HHIP: variants seen among roughly 807,000 people sequenced by gnomAD.
The protein encoded by HHIP is hedgehog-interacting protein.
Under a neutral mutation model 74.0 loss-of-function variants are expected in HHIP, and 12 were observed. That is an observed-to-expected ratio of 0.16 (90% CI 0.10 to 0.26). HHIP has a LOEUF of 0.26. HHIP is among the 10% of genes least tolerant of loss of function. The pLI, the probability that HHIP is intolerant of heterozygous loss-of-function variation, is 1.00. For missense variants in HHIP, 788 were observed against 845.0 expected (o/e 0.93, Z 0.84); for synonymous variants, 309 against 311.6 (o/e 0.99, Z 0.09).
rs149847527 is a variant in HHIP at position 144,717,115 on chromosome 4, G to C, written c.1678+1685G>C. Among the ~76,000 whole-genome samples the C allele has an allele frequency of 2.8e-3, 427 of 152,102 alleles. 3 individuals are homozygous for C. The highest frequency in any genetic ancestry group is 9.4e-3 in the African/African-American group (390 of 41,520). On this transcript the variant is annotated intron_variant, in intron 10 of 12. Transcript: ENST00000296575. ...CTGACTCTCCAAAAGCTACAACCCT[G>C]TATATACCTCATAATTAAAATAAAT...
intron 4 of HHIP, among the ~76,000 whole-genome samples, chr4:144,671,991 T>A (rs1182722567): frequency 6.6e-6 from 1 of 151,952 alleles, no homozygotes; most frequent in Non-Finnish European, 1.5e-5. Context: ...CACAAATAAA[T>A]AAATAAATAA....
intron 4 of HHIP, among the ~76,000 whole-genome samples, chr4:144,703,842 G>T (rs1476742509): frequency 1.3e-5 from 2 of 152,130 alleles, no homozygotes; most frequent in Non-Finnish European, 2.9e-5. Context: ...GCCTCTAACT[G>T]ACCCTGGTCT....
At chr4:144,678,200 CAG>C (rs1424483419) in intron 4 of HHIP, among the ~76,000 whole-genome samples, 6 of 152,068 alleles carry the variant, frequency 3.9e-5, no homozygotes, top group African/African-American at 1.4e-4. Context: ...ATAAGAATAA[CAG>C]AATTATATCA....
rs36088965 is a variant in HHIP at position 144,736,136 on chromosome 4, C to CTT, written c.1909+1263_1909+1264dup. The stretch of plus-strand genomic sequence containing the variant: ...CTAACAATATCTACTTTTTCTGCAT[C>CTT]TTTTTTTTTTTTTTTTTGAGGTGGA... On this transcript the variant is annotated intron_variant, in intron 12 of 12. Coordinates refer to ENST00000296575, the MANE Select transcript of HHIP (RefSeq NM_022475.3). Among the ~76,000 whole-genome samples, 656 of 128,240 alleles carry CTT rather than the reference C, an allele frequency of 5.1e-3. 39 individuals are homozygous for CTT. Among genetic ancestry groups the CTT allele is most frequent in the Middle Eastern group, 0.023 (5 of 216 alleles). The allele number at this position is 128,240 out of a possible 152,430, so 84.1% of individuals were successfully genotyped here.
In HHIP at chr4:144,646,926, G is replaced by A. The variant is rs1291218410; in HGVS notation, c.251G>A (p.Ser84Asn). The A allele has an allele frequency of 1.2e-6, 2 of 1,612,812 alleles. No individual in the cohort carries two copies. The highest frequency in any genetic ancestry group is 2.2e-5 in the East Asian group (1 of 44,872). The change falls in exon 1 of 13, where the codon AGC becomes AAC. Residue 84 changes from serine to asparagine, a missense_variant. By Grantham distance (46) the Ser-to-Asn change is conservative (BLOSUM62 1). Coordinates refer to ENST00000296575, the MANE Select transcript of HHIP (RefSeq NM_022475.3). ...PRLSCCLRSDSPGLGRLENKI... is the reference protein window; with the variant it reads ...PRLSCCLRSDNPGLGRLENKI... ...CTGTCCTGCTGCCTGCGGAGTGACA[G>A]CCCGGGGCTAGGGCGCCTGGAGAAT...
chr4:144,665,875 T>C (rs1728846877), intron 4 of HHIP, among the ~76,000 whole-genome samples: 1 of 152,100 alleles, frequency 6.6e-6, no homozygotes, highest in Non-Finnish European at 1.5e-5. Flanking sequence ...ACAGCAGAGG[T>C]GAGGAAAGTT....
chr4:144,705,092 T>C (rs1730096314), intron 4 of HHIP, among the ~76,000 whole-genome samples: 2 of 152,348 alleles, frequency 1.3e-5, no homozygotes, highest in South Asian at 4.1e-4. Flanking sequence ...GGTCGTTCTG[T>C]GTATTTGCAG....
intron 11 of HHIP, among the ~76,000 whole-genome samples, chr4:144,723,409 T>C (rs891150422): frequency 3.3e-5 from 5 of 152,138 alleles, no homozygotes; most frequent in African/African-American, 9.7e-5. Flanking sequence ...TACTTCTTAT[T>C]AGACTGGATG....
intron 1 of HHIP, chr4:144,648,134 T>C (rs1728319813): frequency 6.6e-6 from 1 of 152,228 alleles, no homozygotes. Context: ...AAAGCCATAT[T>C]GCATCATTTA....
In HHIP at chr4:144,667,617, C is replaced by T. The variant is rs865913189; in HGVS notation, c.831+7779C>T. On this transcript the variant is annotated intron_variant, in intron 4 of 12. Transcript: ENST00000296575. ...ATTGCTGCCCACCTCACTGCAAAGT[C>T]CCCAGCTCTGGAGTTTCTCAAAGCA... is the stretch of plus-strand genomic sequence containing the variant. 4.6e-5 allele frequency among the ~76,000 whole-genome samples: 7 copies of T among 152,170 alleles called. No individual in the cohort carries two copies. In the South Asian group the frequency reaches 8.3e-4, roughly 18 times the overall value.
rs143659747 is a variant in HHIP at position 144,724,338 on chromosome 4, A to T, written c.1760+5382A>T. On this transcript the variant is annotated intron_variant, in intron 11 of 12. Transcript: ENST00000296575. ...TGTTATTTTAAAGGGTTTATGTCTTATTTTTAAAAACCATCATATGCTTTT... is the reference window on the plus strand; with the variant it reads ...TGTTATTTTAAAGGGTTTATGTCTTTTTTTTAAAAACCATCATATGCTTTT... 1.7e-3 allele frequency among the ~76,000 whole-genome samples: 257 copies of T among 152,246 alleles called. 2 individuals carry two copies. The highest frequency in any genetic ancestry group is 5.8e-3 in the African/African-American group (242 of 41,570).
chr4:144,733,848 A>C (rs1360393350), intron 11 of HHIP, among the ~76,000 whole-genome samples: 1 of 152,172 alleles, frequency 6.6e-6, no homozygotes, highest in Non-Finnish European at 1.5e-5. Context: ...AGCTCAAATG[A>C]CATCTTATTT....
At chr4:144,714,432 A>G (rs1002782866) in intron 9 of HHIP, 84 bp downstream of exon 9, 2 of 1,367,634 alleles carry the variant, frequency 1.5e-6, no homozygotes, top group African/African-American at 1.4e-5. Context: ...AAATATTCAA[A>G]TGATTGTCTC....
At chr4:144,725,659 CGTGCGTGT>C (rs939760129) in intron 11 of HHIP, among the ~76,000 whole-genome samples, 2 of 141,814 alleles carry the variant, frequency 1.4e-5, no homozygotes, top group Admixed American at 7.1e-5. Context: ...GGTGTGTGCG[CGTGCGTGT>C]GTGTGTGTGT....
chr4:144,672,684 T>A (rs1461423357), intron 4 of HHIP, among the ~76,000 whole-genome samples: 2 of 151,700 alleles, frequency 1.3e-5, no homozygotes, highest in Non-Finnish European at 2.9e-5. Context: ...TTTAATTTTG[T>A]ATTATTTTTT....
At chr4:144,705,857 G>A (rs1055976405) in intron 4 of HHIP, among the ~76,000 whole-genome samples, 1 of 152,034 alleles carries the variant, frequency 6.6e-6, no homozygotes, top group African/African-American at 2.4e-5. Flanking sequence ...TCCTTCCCCA[G>A]CCGTGGCCTT....
chr4:144,743,825 T>C lies in HHIP; in HGVS notation c.*5868T>C, dbSNP rs994780739. The C allele has an allele frequency of 2.0e-5, 3 of 152,240 alleles. No homozygotes were observed. Among genetic ancestry groups the C allele is most frequent in the African/African-American group, 7.2e-5 (3 of 41,570 alleles). The allele number at this position is 152,240 out of a possible 1,614,324, so 9.4% of individuals were successfully genotyped here. A position where few individuals can be genotyped will look rare whatever the true frequency, so the allele number is the denominator to read the frequency against. ...GCAGTTACAAACTAATTCTTGTACA[T>C]TTTCCTTTTCACTAAAAAAATAACT... On this transcript the variant is annotated 3_prime_UTR_variant, in exon 13 of 13. Transcript: ENST00000296575.
intron 11 of HHIP, among the ~76,000 whole-genome samples, chr4:144,728,003 C>CTGACCCTCTCTCATGAGAATA (rs1730847403): frequency 6.6e-6 from 1 of 152,180 alleles, no homozygotes; most frequent in Non-Finnish European, 1.5e-5. Context: ...AATTACAAAG[C>CTGACCCTCTCTCATGAGAATA]TGACCCTCTC....
chr4:144,659,856 T>C lies in HHIP; in HGVS notation c.831+18T>C, dbSNP rs1226627176. On this transcript the variant is annotated intron_variant, in intron 4 of 12. Coordinates refer to ENST00000296575, the MANE Select transcript of HHIP (RefSeq NM_022475.3). ...GAATAAAGGTTGGCTTTTTAAATTT[T>C]ATTTATTTTTGTGCTGGCTACGTTA... 1.3e-6 allele frequency: 2 copies of C among 1,582,668 alleles called. No individual in the cohort carries two copies. Among genetic ancestry groups the C allele is most frequent in the East Asian group, 2.2e-5 (1 of 44,670 alleles).
Sources: gnomAD v4.1 joint callset for allele counts (sites outside exome capture counted in the v4.1 genomes callset) on GRCh38, gnomAD v4.1.1 for gene constraint, MANE v1.5 for transcripts, NCBI Gene and HGNC (gene_info 2026-07-23, HGNC 2026-07-21) for gene names.